The following GRID2 variants were observed in gnomAD, a reference collection of about 807,000 sequenced individuals.
GRID2 encodes glutamate receptor ionotropic, delta-2.
Under a neutral mutation model 114.8 loss-of-function variants are expected in GRID2, and 33 were observed. That is an observed-to-expected ratio of 0.29 (90% CI 0.22 to 0.38). The LOEUF is 0.38. Ranked by LOEUF, GRID2 falls within the 10% of genes least tolerant of loss-of-function variation. The pLI is 1.00. For missense variants in GRID2, 1,184 were observed against 1,257.7 expected (o/e 0.94, Z 0.89); for synonymous variants, 505 against 449.9 (o/e 1.12, Z -1.55).
intron 2 of GRID2, among the ~76,000 whole-genome samples, chr4:92,649,872 T>C (rs568351952): frequency 2.6e-5 from 4 of 152,160 alleles, no homozygotes; most frequent in Admixed American, 6.6e-5. Flanking sequence ...GGTGATCTTA[T>C]GTCTCTGTAA....
At chr4:92,411,345 C>T (rs1731289055) in intron 1 of GRID2, among the ~76,000 whole-genome samples, 3 of 151,856 alleles carry the variant, frequency 2.0e-5, no homozygotes, top group South Asian at 4.2e-4. Flanking sequence ...TTCATATTTA[C>T]CTTAATGTTA....
intron 1 of GRID2, among the ~76,000 whole-genome samples, chr4:92,342,536 A>G (rs1727548978): frequency 6.6e-6 from 1 of 152,210 alleles, no homozygotes; most frequent in Non-Finnish European, 1.5e-5. Context: ...TTAGAACTCT[A>G]GAATGTTTAG....
intron 8 of GRID2, among the ~76,000 whole-genome samples, chr4:93,279,154 A>G (rs1242631670): frequency 6.6e-6 from 1 of 151,832 alleles, no homozygotes; most frequent in African/African-American, 2.4e-5. Context: ...AAATATTTTA[A>G]TAATTCCAAT....
chr4:92,939,783 T>A (rs1220946751), intron 2 of GRID2, among the ~76,000 whole-genome samples: 1 of 147,496 alleles, frequency 6.8e-6, no homozygotes, highest in Non-Finnish European at 1.5e-5. Flanking sequence ...TTTCTACATA[T>A]GGCTAGCCAG....
At chr4:93,572,608 G>A (rs1247644741) in intron 13 of GRID2, among the ~76,000 whole-genome samples, 1 of 151,860 alleles carries the variant, frequency 6.6e-6, no homozygotes, top group Non-Finnish European at 1.5e-5. Flanking sequence ...ATTTTAGCTA[G>A]GTCGAAAAAA....
intron 1 of GRID2, among the ~76,000 whole-genome samples, chr4:92,542,961 A>G (rs1430998399): frequency 2.0e-5 from 3 of 150,758 alleles, no homozygotes; most frequent in Non-Finnish European, 4.4e-5. Flanking sequence ...TCAGCATTAT[A>G]GTTATATGTG....
chr4:93,804,288 A>T (rs1196545460), intron 1 of GRID2, among the ~76,000 whole-genome samples: 2 of 152,250 alleles, frequency 1.3e-5, no homozygotes, highest in Non-Finnish European at 2.9e-5. Flanking sequence ...CCATTCAGGA[A>T]AAATGAGTCA....
At chr4:93,429,083 G>A (rs1367071342) in intron 10 of GRID2, among the ~76,000 whole-genome samples, 1 of 152,172 alleles carries the variant, frequency 6.6e-6, no homozygotes, top group Non-Finnish European at 1.5e-5. Context: ...CTAGCTGCTG[G>A]GATCAAGAAT....
chr4:93,402,873 G>A (rs1015532276), intron 9 of GRID2, among the ~76,000 whole-genome samples: 8 of 152,008 alleles, frequency 5.3e-5, no homozygotes, highest in East Asian at 1.9e-4. Context: ...GTTCTGAAAC[G>A]TCATTGTCCT....
intron 2 of GRID2, among the ~76,000 whole-genome samples, chr4:92,847,128 A>T (rs1743384151): frequency 2.6e-5 from 4 of 152,224 alleles, no homozygotes; most frequent in African/African-American, 9.6e-5. Context: ...AACATATGGA[A>T]ACTCTTTCTG....
chr4:93,628,307 G>C (rs1742915606), intron 14 of GRID2, among the ~76,000 whole-genome samples: 1 of 151,876 alleles, frequency 6.6e-6, no homozygotes, highest in Non-Finnish European at 1.5e-5. Context: ...AAGAAACAAA[G>C]AACAATATAG....
intron 4 of GRID2, among the ~76,000 whole-genome samples, chr4:93,192,055 T>C (rs767804684): frequency 1.3e-5 from 2 of 152,178 alleles, no homozygotes; most frequent in Non-Finnish European, 2.9e-5. Flanking sequence ...TGGATAATGT[T>C]CCATTTTATT....
At chr4:92,511,754 A>G (rs1336911732) in intron 1 of GRID2, among the ~76,000 whole-genome samples, 1 of 151,868 alleles carries the variant, frequency 6.6e-6, no homozygotes, top group Non-Finnish European at 1.5e-5. Flanking sequence ...TGCTATAAAA[A>G]TTAAGTGGAG....
chr4:92,735,745 T>C (rs1736560319), intron 2 of GRID2, among the ~76,000 whole-genome samples: 1 of 149,064 alleles, frequency 6.7e-6, no homozygotes, highest in Non-Finnish European at 1.5e-5. Flanking sequence ...TAGCTTCTTT[T>C]TTTTATTTTA....
chr4:92,575,630 A>T (rs1727850259), intron 1 of GRID2, among the ~76,000 whole-genome samples: 1 of 152,186 alleles, frequency 6.6e-6, no homozygotes, highest in Non-Finnish European at 1.5e-5. Flanking sequence ...AGGCTGCAAA[A>T]CAGCAAATAT....
chr4:92,661,593 C>T (rs1170796490), intron 2 of GRID2, among the ~76,000 whole-genome samples: 2 of 150,728 alleles, frequency 1.3e-5, no homozygotes, highest in South Asian at 2.1e-4. Flanking sequence ...TTGTTAAATT[C>T]CCAAATATAT....
At chr4:92,733,074 C>A (rs550786039) in intron 2 of GRID2, among the ~76,000 whole-genome samples, 1 of 151,602 alleles carries the variant, frequency 6.6e-6, no homozygotes, top group South Asian at 2.1e-4. Context: ...ACTCTGCTCC[C>A]TCTTCATGTC....
chr4:93,207,673 C>T (rs557102637), intron 5 of GRID2, among the ~76,000 whole-genome samples: 54 of 152,086 alleles, frequency 3.6e-4, no homozygotes, highest in Admixed American at 4.6e-4. Flanking sequence ...GTCTTTCTCA[C>T]TGAGTCTCTT....
At chr4:93,655,761 A>G (rs1722942797) in intron 14 of GRID2, among the ~76,000 whole-genome samples, 1 of 152,008 alleles carries the variant, frequency 6.6e-6, no homozygotes, top group Non-Finnish European at 1.5e-5. Flanking sequence ...TCACCTACTC[A>G]TTGTCTTGGA....
Sources: allele counts gnomAD v4.1 joint callset (sites outside exome capture counted in the v4.1 genomes callset), GRCh38; gene constraint gnomAD v4.1.1; transcripts MANE v1.5; gene names NCBI Gene and HGNC (gene_info 2026-07-23, HGNC 2026-07-21).